MSRA: variants seen among roughly 807,000 people sequenced by gnomAD.
The protein encoded by MSRA is mitochondrial peptide methionine sulfoxide reductase.
A neutral mutation model predicts 31.3 loss-of-function variants in MSRA; 54 were observed. The observed-to-expected ratio is 1.73, with a 90% confidence interval of 1.39 to 2.17. The LOEUF is 2.17. Ranked by LOEUF, MSRA falls within the 30% of genes most tolerant of loss-of-function variation. MSRA has a pLI of 0.00. For synonymous variants in MSRA, 169 were observed against 116.5 expected, an observed-to-expected ratio of 1.45 and a Z score of -2.90; for missense variants, 507 against 300.9, an observed-to-expected ratio of 1.69 and a Z score of -5.07.
chr8:10,252,326 TA>T (rs1429354933), intron 3 of MSRA, among the ~76,000 whole-genome samples: 4 of 152,096 alleles, frequency 2.6e-5, no homozygotes, highest in Non-Finnish European at 4.4e-5. Context: ...GGATTCAGAG[TA>T]GGGGTGGCTT....
At chr8:10,419,123 C>G (rs1363592591) in intron 5 of MSRA, among the ~76,000 whole-genome samples, 1 of 152,174 alleles carries the variant, frequency 6.6e-6, no homozygotes, top group Non-Finnish European at 1.5e-5. Context: ...TCTCTAGAGC[C>G]AGCCCCCTCC....
At chr8:10,265,184 C>G in intron 3 of MSRA, among the ~76,000 whole-genome samples, 1 of 152,162 alleles carries the variant, frequency 6.6e-6, no homozygotes, top group East Asian at 1.9e-4. Context: ...AGACCAGATG[C>G]TAATATGCTC....
chr8:10,347,273 C>T (rs1159144187), intron 5 of MSRA, among the ~76,000 whole-genome samples: 3 of 152,196 alleles, frequency 2.0e-5, no homozygotes, highest in African/African-American at 7.2e-5. Context: ...CAAATACAGC[C>T]TGATAAATCT....
intron 1 of MSRA, among the ~76,000 whole-genome samples, chr8:10,062,783 C>T (rs1797273669): frequency 6.6e-6 from 1 of 152,146 alleles, no homozygotes; most frequent in Non-Finnish European, 1.5e-5. Flanking sequence ...GGAATTTCTG[C>T]AGCCAGATGA....
At chr8:10,300,587 C>G (rs900081602) in intron 3 of MSRA, among the ~76,000 whole-genome samples, 17 of 152,096 alleles carry the variant, frequency 1.1e-4, no homozygotes, top group Non-Finnish European at 2.2e-4. Flanking sequence ...TGGGGTTTCA[C>G]CAGATTGGCC....
chr8:10,102,647 T>C (rs1244509600), intron 1 of MSRA, among the ~76,000 whole-genome samples: 2 of 152,212 alleles, frequency 1.3e-5, no homozygotes, highest in Non-Finnish European at 2.9e-5. Context: ...TGGTTCTTGG[T>C]ATGATAAATG....
At chr8:10,123,200 C>A (rs1293629601) in intron 1 of MSRA, among the ~76,000 whole-genome samples, 1 of 152,164 alleles carries the variant, frequency 6.6e-6, no homozygotes, top group Non-Finnish European at 1.5e-5. Context: ...TATGTTTTGA[C>A]TTTTTAGTAA....
intron 2 of MSRA, among the ~76,000 whole-genome samples, chr8:10,224,447 A>T (rs893744180): frequency 2.0e-5 from 3 of 152,124 alleles, no homozygotes; most frequent in Non-Finnish European, 4.4e-5. Flanking sequence ...TTTTTCACAA[A>T]AGAGCTTGAT....
Position 10,221,436 on chromosome 8 carries a change from G to GTATATATA in MSRA, c.211+13536_211+13543dup, listed in dbSNP as rs201045996. On this transcript the variant is annotated intron_variant, in intron 2 of 5. Coordinates refer to ENST00000317173, the MANE Select transcript of MSRA (RefSeq NM_012331.5). ...TATAAATATATATATGTATATATGT[G>GTATATATA]TATATATACATATATATATTTGTTC... Among the ~76,000 whole-genome samples the GTATATATA allele has an allele frequency of 7.2e-3, 1,003 of 138,848 alleles. 14 individuals are homozygous for GTATATATA. The highest frequency in any genetic ancestry group is 0.024 in the African/African-American group (940 of 39,710). 91.1% of individuals were successfully genotyped at this position (138,848 alleles called of 152,430 possible).
intron 5 of MSRA, among the ~76,000 whole-genome samples, chr8:10,342,833 G>A (rs1344459626): frequency 2.6e-5 from 4 of 152,206 alleles, no homozygotes; most frequent in Non-Finnish European, 5.9e-5. Flanking sequence ...ACCAGGCTCC[G>A]GTGAAAGACA....
intron 5 of MSRA, among the ~76,000 whole-genome samples, chr8:10,341,371 C>T (rs942302828): frequency 2.6e-5 from 4 of 152,064 alleles, no homozygotes; most frequent in East Asian, 3.9e-4. Flanking sequence ...AGGTGCCACA[C>T]GTTTTGAAAG....
intron 5 of MSRA, among the ~76,000 whole-genome samples, chr8:10,400,868 A>G (rs895192071): frequency 6.6e-6 from 1 of 152,204 alleles, no homozygotes; most frequent in African/African-American, 2.4e-5. Flanking sequence ...ATACACAACA[A>G]TTAACTCAAA....
intron 1 of MSRA, among the ~76,000 whole-genome samples, chr8:10,130,125 G>A (rs1009081853): frequency 6.6e-6 from 1 of 152,112 alleles, no homozygotes; most frequent in Non-Finnish European, 1.5e-5. Context: ...TATCAAGGAC[G>A]CTAAACATTC....
chr8:10,096,593 A>G (rs1452497598), intron 1 of MSRA, among the ~76,000 whole-genome samples: 1 of 152,228 alleles, frequency 6.6e-6, no homozygotes, highest in Non-Finnish European at 1.5e-5. Context: ...TAATTAAACG[A>G]TTACTGTAGC....
intron 1 of MSRA, among the ~76,000 whole-genome samples, chr8:10,082,342 G>A (rs954765881): frequency 3.9e-5 from 6 of 152,272 alleles, no homozygotes; most frequent in South Asian, 4.1e-4. Context: ...CACACATCAC[G>A]GAAGGGGGAC....
chr8:10,109,550 C>G (rs922650590), intron 1 of MSRA, among the ~76,000 whole-genome samples: 4 of 152,074 alleles, frequency 2.6e-5, no homozygotes, highest in Non-Finnish European at 4.4e-5. Context: ...CCATGTTGCC[C>G]AGGCTGGTCT....
intron 5 of MSRA, among the ~76,000 whole-genome samples, chr8:10,384,995 C>G (rs1443280933): frequency 6.6e-6 from 1 of 151,982 alleles, no homozygotes; most frequent in Non-Finnish European, 1.5e-5. Flanking sequence ...GAGCAAAACC[C>G]TGTCTCCGAA....
At chr8:10,078,077 A>G (rs541904717) in intron 1 of MSRA, among the ~76,000 whole-genome samples, 3 of 152,232 alleles carry the variant, frequency 2.0e-5, no homozygotes, top group Non-Finnish European at 1.5e-5. Context: ...TAAAAGTTTA[A>G]TTTAGAACTG....
chr8:10,425,628 C>T (rs1809107399), intron 5 of MSRA, among the ~76,000 whole-genome samples: 1 of 152,232 alleles, frequency 6.6e-6, no homozygotes, highest in East Asian at 1.9e-4. Context: ...ACAGGTGTGG[C>T]CATAGAACAT....
Sources: allele counts gnomAD v4.1 joint callset (sites outside exome capture counted in the v4.1 genomes callset), GRCh38; gene constraint gnomAD v4.1.1; transcripts MANE v1.5; gene names NCBI Gene and HGNC (gene_info 2026-07-23, HGNC 2026-07-21).